The following TMEM39A variants were observed in gnomAD, a reference collection of about 807,000 sequenced individuals.
The protein encoded by TMEM39A is suppressor of SQST-1 aggregates in rpl-43 mutants.
TMEM39A carries 19 observed loss-of-function variants against 51.9 expected under a neutral mutation model. The ratio of observed to expected loss-of-function variants is 0.37; its 90% CI spans 0.26 to 0.54. The LOEUF (loss-of-function observed/expected upper bound fraction) is 0.54, where lower values mean the gene tolerates loss of function less well. Among genes scored for constraint, TMEM39A ranks in the 20% least tolerant of loss-of-function variants. The pLI, the probability that TMEM39A is intolerant of heterozygous loss-of-function variation, is 0.88. For synonymous variants in TMEM39A, 197 were observed against 220.2 expected, an observed-to-expected ratio of 0.89 and a Z score of 0.93; for missense variants, 433 against 590.5, an observed-to-expected ratio of 0.73 and a Z score of 2.76.
intron 5 of TMEM39A, among the ~76,000 whole-genome samples, chr3:119,440,869 T>C (rs575457813): frequency 1.3e-5 from 2 of 152,332 alleles, no homozygotes; most frequent in South Asian, 2.1e-4. Context: ...CAACCCTGCA[T>C]CAAGCGTATC....
chr3:119,439,443 T>A (rs1367850170), intron 5 of TMEM39A, among the ~76,000 whole-genome samples: 1 of 151,896 alleles, frequency 6.6e-6, no homozygotes, highest in Non-Finnish European at 1.5e-5. Flanking sequence ...TAGCTGGGTG[T>A]GGTGGCGCGC....
chr3:119,450,673 T>C (rs34746401), intron 4 of TMEM39A, among the ~76,000 whole-genome samples: 21,995 of 151,390 alleles, frequency 0.15, 2,001 homozygotes, highest in Admixed American at 0.2. Context: ...AACACAAAAA[T>C]TAGCTGGGTA....
At position 119,438,051 on chromosome 3, in the gene TMEM39A, G is replaced by A. The variant is rs372839914; in HGVS notation, c.628C>T (p.Leu210Phe). 2 of 1,608,310 alleles carry A rather than the reference G, an allele frequency of 1.2e-6. No individual in the cohort carries two copies. The highest frequency in any genetic ancestry group is 1.1e-5 in the South Asian group (1 of 90,984). The change falls in exon 6 of 9, where the codon CTT (leucine) becomes TTT (phenylalanine). Residue 210 changes from leucine (L) to phenylalanine (F), a missense_variant. Physicochemically the swap from Leu to Phe is conservative, Grantham distance 22 (BLOSUM62 0). Around this residue, in one of 3 missense-constraint regions of TMEM39A, gnomAD observed 40 missense variants for 22.6 expected, o/e 1.77. Coordinates refer to ENST00000319172, the MANE Select transcript of TMEM39A (RefSeq NM_018266.3). ...ACATAGTTGTAGTCTGTGAGAAGAA[G>A]ATGTGCTCTACTATCTTGATGAAAA... ...CCFHQDSRAH[L>F]LLTDYNYVVQ... is the part of the protein sequence containing the mutation.
chr3:119,435,442 C>CACAA, intron 7 of TMEM39A: 6 of 983,694 alleles, frequency 6.1e-6, no homozygotes, highest in Non-Finnish European at 7.2e-6. Context: ...CACACACACA[C>CACAA]AGACTTTTCA....
intron 2 of TMEM39A, among the ~76,000 whole-genome samples, chr3:119,460,928 C>T (rs375055342): frequency 2.9e-4 from 44 of 152,238 alleles, no homozygotes; most frequent in South Asian, 1.2e-3. Flanking sequence ...AAAGCATTTT[C>T]GCATATTCTC....
At position 119,447,091 on chromosome 3, in the gene TMEM39A, A is replaced by C; in HGVS notation, c.502T>G (p.Trp168Gly). ...ARLVLLTLCG[W>G]VLCWTLVNLF... ...TTGACGAGGGTCCAACAAAGTACCCATCCACACAAAGTGAGTAGTACCAAG... is the reference window on the plus strand; with the variant it reads ...TTGACGAGGGTCCAACAAAGTACCCCTCCACACAAAGTGAGTAGTACCAAG... Residue 168 changes from tryptophan (W) to glycine (G), a missense_variant, in exon 5 of 9, where the codon TGG (tryptophan) becomes GGG (glycine). Physicochemically the swap from Trp to Gly is radical, Grantham distance 184. Transcript: ENST00000319172. 1 of 1,614,226 alleles carries C rather than the reference A, an allele frequency of 6.2e-7. No homozygotes were observed. The highest frequency in any genetic ancestry group is 8.5e-7 in the Non-Finnish European group (1 of 1,180,024).
chr3:119,445,422 G>A (rs184619971), intron 5 of TMEM39A, among the ~76,000 whole-genome samples: 71 of 152,118 alleles, frequency 4.7e-4, no homozygotes, highest in East Asian at 2.1e-3. Context: ...GTGCCACCAC[G>A]CCCTGCTAAT....
intron 5 of TMEM39A, 60 bp from the exon 6 acceptor site, chr3:119,438,163 T>C: frequency 7.5e-7 from 1 of 1,325,638 alleles, no homozygotes; most frequent in East Asian, 2.4e-5. Context: ...ACCTTATAAC[T>C]TACGTCAATA....
intron 7 of TMEM39A, 78 bp downstream of exon 7, chr3:119,436,713 G>C: frequency 1.4e-6 from 2 of 1,430,288 alleles, no homozygotes; most frequent in Non-Finnish European, 1.9e-6. Flanking sequence ...CCAAGAACAA[G>C]AATGACATAC....
intron 2 of TMEM39A, among the ~76,000 whole-genome samples, 174 bp from the exon 3 acceptor site, chr3:119,458,414 G>A (rs564121787): frequency 1.3e-5 from 2 of 152,300 alleles, no homozygotes; most frequent in South Asian, 4.1e-4. Flanking sequence ...CTAAGATGCA[G>A]CTATGGCCTC....
intron 1 of TMEM39A, 122 bp from the exon 2 acceptor site, chr3:119,462,270 G>T: frequency 1.9e-6 from 1 of 540,126 alleles, no homozygotes; most frequent in Admixed American, 3.3e-5. Flanking sequence ...TGTTCCCAGT[G>T]TCTACTACTT....
rs773582017 is a variant in TMEM39A at position 119,462,891 on chromosome 3, T to TG, written c.-75+444dup. ...GCAAGTAAAAGATAAAGATCCTCAC[T>TG]GGAAAAAAAAAAAAAAGCTCTTTTC... On this transcript the variant is annotated intron_variant, in intron 1 of 8. Coordinates refer to ENST00000319172, the MANE Select transcript of TMEM39A (RefSeq NM_018266.3). Among the ~76,000 whole-genome samples the TG allele has an allele frequency of 3.5e-3, 278 of 79,344 alleles. 1 individual carries two copies. Among genetic ancestry groups the TG allele is most frequent in the Middle Eastern group, 6.4e-3 (1 of 156 alleles). The allele number at this position is 79,344 out of a possible 152,430, so 52.1% of individuals were successfully genotyped here.
intron 3 of TMEM39A, among the ~76,000 whole-genome samples, chr3:119,455,077 A>T (rs897107540): frequency 6.6e-6 from 1 of 152,196 alleles, no homozygotes; most frequent in Non-Finnish European, 1.5e-5. Flanking sequence ...GAAATGGAAA[A>T]ATAAAAACCT....
chr3:119,445,264 T>G (rs2107672876), intron 5 of TMEM39A, among the ~76,000 whole-genome samples: 1 of 152,244 alleles, frequency 6.6e-6, no homozygotes, highest in South Asian at 2.1e-4. Flanking sequence ...TTTATTTTAT[T>G]TATTTATTTA....
At chr3:119,441,454 C>T (rs538833414) in intron 5 of TMEM39A, among the ~76,000 whole-genome samples, 18 of 152,342 alleles carry the variant, frequency 1.2e-4, no homozygotes, top group African/African-American at 3.4e-4. Flanking sequence ...CGACCAGCCA[C>T]GACATTGCCC....
Position 119,430,312 on chromosome 3 carries a change from C to T in TMEM39A, c.*1669G>A, listed in dbSNP as rs2080882809. ...TGCTTTTTCTTTGCTTAAAAATCAT[C>T]TCCTCAAAGATGCCTTCTAGCAGTG... On this transcript the variant is annotated 3_prime_UTR_variant, in exon 9 of 9. Transcript: ENST00000319172. 6.6e-6 allele frequency: 1 copy of T among 152,112 alleles called. No homozygotes were observed. The highest frequency in any genetic ancestry group is 2.4e-5 in the African/African-American group (1 of 41,432). The allele number at this position is 152,112 out of a possible 1,614,324, so 9.4% of individuals were successfully genotyped here.
chr3:119,449,048 A>G (rs1409571601), intron 4 of TMEM39A, among the ~76,000 whole-genome samples: 3 of 152,186 alleles, frequency 2.0e-5, no homozygotes, highest in African/African-American at 4.8e-5. Context: ...TGGAAAGTAA[A>G]TAACAGGAGA....
chr3:119,448,946 A>G (rs891047178), intron 4 of TMEM39A, among the ~76,000 whole-genome samples: 1 of 152,226 alleles, frequency 6.6e-6, no homozygotes, highest in Non-Finnish European at 1.5e-5. Flanking sequence ...CCCTGTGCTT[A>G]TGAAGCTGAC....
At chr3:119,449,400 C>A (rs966818203) in intron 4 of TMEM39A, among the ~76,000 whole-genome samples, 1 of 151,936 alleles carries the variant, frequency 6.6e-6, no homozygotes, top group Admixed American at 6.6e-5. Flanking sequence ...ATGGTGAAAC[C>A]CTGTCTCTAC....
Sources: allele counts gnomAD v4.1 joint callset (sites outside exome capture counted in the v4.1 genomes callset), GRCh38; gene constraint gnomAD v4.1.1; regional missense constraint gnomAD v4.1.1; transcripts MANE v1.5; gene names NCBI Gene and HGNC (gene_info 2026-07-23, HGNC 2026-07-21).